Variants in KIF13A observed in about 807,000 individuals in gnomAD.
KIF13A encodes the protein kinesin-like protein KIF13A.
Under a neutral mutation model 212.2 loss-of-function variants are expected in KIF13A, and 79 were observed. That is an observed-to-expected ratio of 0.37 (90% CI 0.31 to 0.45). The LOEUF (loss-of-function observed/expected upper bound fraction) is 0.45. Among genes scored for constraint, KIF13A ranks in the 20% least tolerant of loss-of-function variants. The pLI is 1.00. For synonymous variants in KIF13A, 789 were observed against 808.6 expected (o/e 0.98, Z 0.41); for missense variants, 1,901 against 2,209.0 (o/e 0.86, Z 2.79).
intron 2 of KIF13A, among the ~76,000 whole-genome samples, chr6:17,916,300 C>T (rs909092696): frequency 2.6e-5 from 4 of 152,182 alleles, no homozygotes; most frequent in African/African-American, 9.7e-5. Flanking sequence ...TACATCCAAC[C>T]ACATTACAGA....
Position 17,987,194 on chromosome 6 carries a change from AGCCCGCCC to A in KIF13A, c.56-58_56-51del, listed in dbSNP as rs563474459. The A allele has an allele frequency of 3.5e-6, 5 of 1,430,426 alleles. No homozygotes were observed. Among genetic ancestry groups the A allele is most frequent in the Non-Finnish European group, 4.8e-6 (5 of 1,044,486 alleles). The allele number at this position is 1,430,426 out of a possible 1,614,324, so 88.6% of individuals were successfully genotyped here. On this transcript the variant is annotated intron_variant, in intron 1 of 38. Coordinates refer to ENST00000259711, the MANE Select transcript of KIF13A (RefSeq NM_022113.6). This position sits in a 1 kb window ranked among gnomAD's most constrained non-coding sequence, Gnocchi z 7.7. ...TGCAAAGTCCAGCATCCGCGCCTCCAGCCCGCCCGCCCGCCAGCCGCGCCGAGCGGGGC... is the reference window on the plus strand; with the variant it reads ...TGCAAAGTCCAGCATCCGCGCCTCCAGCCCGCCAGCCGCGCCGAGCGGGGC...
intron 16 of KIF13A, 81 bp from the exon 17 acceptor site, chr6:17,817,314 G>A (rs962153959): frequency 8.0e-7 from 1 of 1,255,868 alleles, no homozygotes; most frequent in Non-Finnish European, 1.1e-6. Context: ...GCCTGTGGGA[G>A]GCTTCCTCTA....
chr6:17,834,212 A>C lies in KIF13A; in HGVS notation c.1156-141T>G. On this transcript the variant is annotated intron_variant, in intron 11 of 38. Transcript: ENST00000259711. The surrounding 1 kb of genome is among the most constrained non-coding windows in gnomAD (Gnocchi z 4.0). ...TTATATGCTGTTAGGGTGGGTTTTT[A>C]ACCTTTATTAATCAAACGAATGTAA... is the stretch of plus-strand genomic sequence containing the variant. The C allele has an allele frequency of 1.8e-6, 1 of 541,510 alleles. No homozygotes were observed. Among genetic ancestry groups the C allele is most frequent in the Middle Eastern group, 2.8e-4 (1 of 3,624 alleles). 33.5% of individuals were successfully genotyped at this position (541,510 alleles called of 1,614,324 possible). A position where few individuals can be genotyped will look rare whatever the true frequency, so the allele number is the denominator to read the frequency against.
chr6:17,987,604 G>T lies in KIF13A; in HGVS notation c.-141C>A. The T allele has an allele frequency of 3.5e-6, 1 of 287,512 alleles. No homozygotes were observed. The highest frequency in any genetic ancestry group is 5.1e-6 in the Non-Finnish European group (1 of 195,414). The allele number at this position is 287,512 out of a possible 1,614,324, so 17.8% of individuals were successfully genotyped here. A position where few individuals can be genotyped will look rare whatever the true frequency, so the allele number is the denominator to read the frequency against. Reference sequence around the variant, plus strand: ...GCCGTGAGCTCCGAGAGGCAGCGCCGAGGCGCGCGGGCCATCCCGGGGGAG... The same window carrying T: ...GCCGTGAGCTCCGAGAGGCAGCGCCTAGGCGCGCGGGCCATCCCGGGGGAG... On this transcript the variant is annotated 5_prime_UTR_variant, in exon 1 of 39. Coordinates refer to ENST00000259711, the MANE Select transcript of KIF13A (RefSeq NM_022113.6). The surrounding 1 kb of genome is among the most constrained non-coding windows in gnomAD (Gnocchi z 7.7).
In KIF13A at chr6:17,837,184, C is replaced by A. The variant is rs575275462; in HGVS notation, c.943-94G>T. 72 of 1,074,218 alleles carry A rather than the reference C, an allele frequency of 6.7e-5. No individual in the cohort carries two copies. The highest frequency in any genetic ancestry group is 9.3e-5 in the Non-Finnish European group (67 of 720,484). The allele number at this position is 1,074,218 out of a possible 1,614,324, so 66.5% of individuals were successfully genotyped here. ...AATGTGTTAGGTATGACATTATTCTCTATGAAGGAAACATTATGTGGAAAT... is the reference window on the plus strand; with the variant it reads ...AATGTGTTAGGTATGACATTATTCTATATGAAGGAAACATTATGTGGAAAT... On this transcript the variant is annotated intron_variant, in intron 10 of 38. Transcript: ENST00000259711. This position sits in a 1 kb window ranked among gnomAD's most constrained non-coding sequence, Gnocchi z 5.4.
chr6:17,972,848 A>C (rs911962965), intron 2 of KIF13A, among the ~76,000 whole-genome samples: 25 of 152,070 alleles, frequency 1.6e-4, no homozygotes, highest in African/African-American at 5.5e-4. Flanking sequence ...AAAAAAAAAA[A>C]AAAAAACAAG....
intron 18 of KIF13A, among the ~76,000 whole-genome samples, chr6:17,808,176 A>T (rs894747717): frequency 5.3e-5 from 8 of 152,202 alleles, no homozygotes; most frequent in Non-Finnish European, 1.5e-5. Flanking sequence ...ATCTGAACCC[A>T]GGAGTTCAAG....
intron 9 of KIF13A, among the ~76,000 whole-genome samples, chr6:17,842,208 C>A (rs900725406): frequency 6.6e-6 from 1 of 151,792 alleles, no homozygotes; most frequent in African/African-American, 2.4e-5. Flanking sequence ...CACCACTACA[C>A]CTGGCTAATT....
chr6:17,885,710 A>G (rs1771480599), intron 3 of KIF13A, among the ~76,000 whole-genome samples: 1 of 152,212 alleles, frequency 6.6e-6, no homozygotes, highest in African/African-American at 2.4e-5. Context: ...ATCCTCCCAA[A>G]ACCCAGACCA....
chr6:17,981,957 G>T (rs1432269131), intron 2 of KIF13A, among the ~76,000 whole-genome samples: 1 of 152,156 alleles, frequency 6.6e-6, no homozygotes, highest in African/African-American at 2.4e-5. Context: ...GAATGGCGGA[G>T]GAAGCCAGCT....
rs1189663783 is a variant in KIF13A at position 17,888,734 on chromosome 6, A to G, written c.159+9434T>C. Among the ~76,000 whole-genome samples, 1 of 152,170 alleles carries G rather than the reference A, an allele frequency of 6.6e-6. No homozygotes were observed. The highest frequency in any genetic ancestry group is 1.5e-5 in the Non-Finnish European group (1 of 68,024). Reference sequence around the variant, plus strand: ...CACCTACTTGGAAGGCTGAGGTGAGAGAATTGCTTGAACCTAGGAGGTGGA... The same window carrying G: ...CACCTACTTGGAAGGCTGAGGTGAGGGAATTGCTTGAACCTAGGAGGTGGA... On this transcript the variant is annotated intron_variant, in intron 3 of 38. Coordinates refer to ENST00000259711, the MANE Select transcript of KIF13A (RefSeq NM_022113.6). This position sits in a 1 kb window ranked among gnomAD's most constrained non-coding sequence, Gnocchi z 4.8.
chr6:17,966,268 A>AT (rs1339423529), intron 2 of KIF13A, among the ~76,000 whole-genome samples: 2 of 152,088 alleles, frequency 1.3e-5, no homozygotes, highest in Admixed American at 6.6e-5. Flanking sequence ...TGTATGCGTT[A>AT]TTTTTTATGT....
At chr6:17,830,718 T>C (rs577559977) in intron 13 of KIF13A, among the ~76,000 whole-genome samples, 4 of 152,186 alleles carry the variant, frequency 2.6e-5, no homozygotes, top group East Asian at 3.9e-4. Flanking sequence ...TGAGATCTCC[T>C]TGGAATTACT....
intron 16 of KIF13A, among the ~76,000 whole-genome samples, chr6:17,819,689 C>A (rs1006669025): frequency 7.9e-5 from 12 of 152,096 alleles, no homozygotes; most frequent in African/African-American, 2.7e-4. Context: ...CTATGTATTC[C>A]TAAGCATCAG....
chr6:17,901,538 G>T (rs1297763338), intron 2 of KIF13A, among the ~76,000 whole-genome samples: 1 of 152,104 alleles, frequency 6.6e-6, no homozygotes, highest in Non-Finnish European at 1.5e-5. Flanking sequence ...ATATAATCAA[G>T]AATTTTCCAC....
At chr6:17,810,855 T>C (rs140065806) in intron 17 of KIF13A, among the ~76,000 whole-genome samples, 5 of 152,290 alleles carry the variant, frequency 3.3e-5, no homozygotes, top group African/African-American at 1.2e-4. Flanking sequence ...GCTCAGGCAG[T>C]AATGCAAGTG....
rs1008519279 is a variant in KIF13A at position 17,967,229 on chromosome 6, G to A, written c.146+19825C>T. On this transcript the variant is annotated intron_variant, in intron 2 of 38. Coordinates refer to ENST00000259711, the MANE Select transcript of KIF13A (RefSeq NM_022113.6). The surrounding 1 kb of genome is among the most constrained non-coding windows in gnomAD (Gnocchi z 4.1). The stretch of plus-strand genomic sequence containing the variant: ...CTGTAAATTTTTAGATAGTGCTACC[G>A]CCTCAAGGCAATATGCAATTGCTGT... Among the ~76,000 whole-genome samples the A allele has an allele frequency of 1.3e-5, 2 of 152,162 alleles. No homozygotes were observed. Among genetic ancestry groups the A allele is most frequent in the Admixed American group, 6.5e-5 (1 of 15,280 alleles).
chr6:17,787,775 C>G lies in KIF13A; in HGVS notation c.3361+1G>C, dbSNP rs1419844117. On this transcript the variant is annotated splice_donor_variant, in intron 27 of 38. Coordinates refer to ENST00000259711, the MANE Select transcript of KIF13A (RefSeq NM_022113.6). LOFTEE classifies it high-confidence loss of function. The surrounding 1 kb of genome is among the most constrained non-coding windows in gnomAD (Gnocchi z 4.6). The stretch of plus-strand genomic sequence containing the variant: ...CCATAAAAGAGTTTGATCTCACATA[C>G]CTGTTTTATTGCTGACTTTTTTTAT... 6.3e-7 allele frequency: 1 copy of G among 1,585,158 alleles called. No individual in the cohort carries two copies. Among genetic ancestry groups the G allele is most frequent in the African/African-American group, 1.3e-5 (1 of 74,312 alleles).
At chr6:17,795,893 C>T (rs1225963130) in intron 23 of KIF13A, among the ~76,000 whole-genome samples, 1 of 152,150 alleles carries the variant, frequency 6.6e-6, no homozygotes, top group Non-Finnish European at 1.5e-5. Context: ...CTGTGTTCTT[C>T]TGTAGGCATT....
Sources: gnomAD v4.1 joint callset for allele counts (sites outside exome capture counted in the v4.1 genomes callset) on GRCh38, gnomAD v4.1.1 for gene constraint, Gnocchi (gnomAD v3.1) non-coding constraint, MANE v1.5 for transcripts, NCBI Gene and HGNC (gene_info 2026-07-23, HGNC 2026-07-21) for gene names.